CDKL2: variants seen among roughly 807,000 people sequenced by gnomAD.
CDKL2 encodes cyclin-dependent kinase-like 2.
CDKL2 carries 64 observed loss-of-function variants against 63.9 expected under a neutral mutation model. The ratio of observed to expected loss-of-function variants is 1.00; its 90% CI spans 0.82 to 1.23. The LOEUF is 1.23. Among genes scored for constraint, CDKL2 ranks in the 50% most tolerant of loss-of-function variants. CDKL2 has a pLI of 0.00. For synonymous variants in CDKL2, 211 were observed against 229.2 expected (o/e 0.92, Z 0.72); for missense variants, 656 against 668.0 (o/e 0.98, Z 0.20).
rs1729841968 is a variant in CDKL2 at position 75,614,454 on chromosome 4, T to C, written c.169-5A>G. 1 of 1,534,620 alleles carries C rather than the reference T, an allele frequency of 6.5e-7. No individual in the cohort carries two copies. The highest frequency in any genetic ancestry group is 2.1e-5 in the Admixed American group (1 of 48,014). ...CAAGTTTTCATGCCTAAGTTGCTGTTATTAAAAAATGCAAAATAGCTGTTA... is the reference window on the plus strand; with the variant it reads ...CAAGTTTTCATGCCTAAGTTGCTGTCATTAAAAAATGCAAAATAGCTGTTA... On this transcript the variant is annotated splice_polypyrimidine_tract_variant and splice_region_variant and intron_variant, in intron 2 of 13. Transcript: ENST00000307465.
Position 75,616,546 on chromosome 4 carries a change from C to T in CDKL2, c.169-2097G>A, listed in dbSNP as rs28482826. Among the ~76,000 whole-genome samples the T allele has an allele frequency of 6.3e-3, 960 of 151,346 alleles. 11 individuals carry two copies. Among genetic ancestry groups the T allele is most frequent in the African/African-American group, 0.022 (907 of 41,270 alleles). ...CAGGCGTGGTGGCATGCCTGGCCACCACCATGAAGTAATGAAGTAATATCA... is the reference window on the plus strand; with the variant it reads ...CAGGCGTGGTGGCATGCCTGGCCACTACCATGAAGTAATGAAGTAATATCA... On this transcript the variant is annotated intron_variant, in intron 2 of 13. Transcript: ENST00000307465.
chr4:75,614,422 G>A lies in CDKL2; in HGVS notation c.196C>T (p.Leu66Phe), dbSNP rs748664134. 32 of 1,561,496 alleles carry A rather than the reference G, an allele frequency of 2.0e-5. No homozygotes were observed. In the East Asian group the frequency reaches 7.0e-4, roughly 34 times the overall value. ...KQLRHENLVN[L>F]LEVCKKKKRW... ...TTTTTTTTCTTACACACTTCCAAGA[G>A]ATTCACCAAGTTTTCATGCCTAAGT... is the stretch of plus-strand genomic sequence containing the variant. Residue 66 changes from leucine to phenylalanine, a missense_variant, in exon 3 of 14, where the codon CTC becomes TTC. By Grantham distance (22) the Leu-to-Phe change is conservative. Coordinates refer to ENST00000307465, the MANE Select transcript of CDKL2 (RefSeq NM_001330724.2).
chr4:75,627,849 G>T (rs1730505242), intron 1 of CDKL2, among the ~76,000 whole-genome samples: 4 of 149,312 alleles, frequency 2.7e-5, no homozygotes, highest in Admixed American at 2.7e-4. Context: ...AGTAGCTAGG[G>T]TTACAGGCAC....
chr4:75,582,554 A>C (rs974553106), intron 12 of CDKL2, among the ~76,000 whole-genome samples: 11 of 152,128 alleles, frequency 7.2e-5, no homozygotes, highest in African/African-American at 2.4e-4. Flanking sequence ...AAAATACTAA[A>C]TGGTCTACCA....
intron 2 of CDKL2, among the ~76,000 whole-genome samples, chr4:75,617,874 G>A (rs1056759482): frequency 9.9e-5 from 15 of 152,122 alleles, no homozygotes; most frequent in Middle Eastern, 3.4e-3. Flanking sequence ...ATGCCAAGGC[G>A]GACGGATCAC....
chr4:75,605,434 G>A, intron 5 of CDKL2, 88 bp downstream of exon 5: 1 of 743,774 alleles, frequency 1.3e-6, no homozygotes, highest in Admixed American at 2.5e-5. Flanking sequence ...AATCTTTAAT[G>A]CAACAGCTTA....
In CDKL2 at chr4:75,587,063, GACA is replaced by G. The variant is rs66826322; in HGVS notation, c.1647+4753_1647+4755del. Among the ~76,000 whole-genome samples the G allele has an allele frequency of 8.8e-3, 1,346 of 152,280 alleles. 20 individuals are homozygous for G. The highest frequency in any genetic ancestry group is 0.031 in the African/African-American group (1,292 of 41,540). On this transcript the variant is annotated intron_variant, in intron 12 of 13. Transcript: ENST00000307465. ...TTTTGTTGAAAAACACAACAAAATT[GACA>G]AACTCCTAACTATACTGATCAAGAA...
intron 2 of CDKL2, 93 bp downstream of exon 2, chr4:75,625,728 A>T (rs1420217894): frequency 2.9e-5 from 25 of 850,208 alleles, no homozygotes; most frequent in Non-Finnish European, 4.2e-5. Context: ...CACCAGATAA[A>T]TGAATTTGCA....
rs1277771743 is a variant in CDKL2, at chr4:75,596,314, G to C, written c.1349C>G (p.Ser450Cys). 1.2e-6 allele frequency: 2 copies of C among 1,610,912 alleles called. No individual in the cohort carries two copies. The highest frequency in any genetic ancestry group is 1.3e-5 in the African/African-American group (1 of 74,932). ...YRVDEKTKKCSIPFVKPNRHS... is the reference protein window; with the variant it reads ...YRVDEKTKKCCIPFVKPNRHS... The stretch of plus-strand genomic sequence containing the variant: ...TCTGTTCGGTTTAACAAATGGAATA[G>C]AACACTTCTTAGTTTTCTCATCCAC... Residue 450 changes from serine to cysteine, a missense_variant, in exon 10 of 14, where the codon TCT (serine) becomes TGT (cysteine). Transcript: ENST00000307465.
chr4:75,626,450 AG>A (rs1449517549), intron 1 of CDKL2, among the ~76,000 whole-genome samples: 2 of 152,022 alleles, frequency 1.3e-5, no homozygotes, highest in Admixed American at 1.3e-4. Flanking sequence ...GCGGATCACA[AG>A]GTCGGGAGAT....
chr4:75,592,046 A>G, intron 11 of CDKL2, 100 bp downstream of exon 11: 5 of 1,302,994 alleles, frequency 3.8e-6, no homozygotes, highest in East Asian at 2.5e-5. Flanking sequence ...ACATACTTAA[A>G]TATGTAAAGT....
chr4:75,629,711 G>A (rs1386954704), intron 1 of CDKL2, among the ~76,000 whole-genome samples: 2 of 152,044 alleles, frequency 1.3e-5, no homozygotes, highest in African/African-American at 2.4e-5. Context: ...AGGCCGAGGC[G>A]GGCGGATCAC....
In CDKL2 at chr4:75,608,996, GAAA is replaced by G. The variant is rs5859470; in HGVS notation, c.364-1638_364-1636del. ...GCAACAGAGCGAGACTCCATCTCAA[GAAA>G]AAAAAAAAAAAAGAAAAGAAAGAAA... On this transcript the variant is annotated intron_variant, in intron 3 of 13. Coordinates refer to ENST00000307465, the MANE Select transcript of CDKL2 (RefSeq NM_001330724.2). 1.4e-3 allele frequency among the ~76,000 whole-genome samples: 173 copies of G among 120,856 alleles called. 1 individual carries two copies. The highest frequency in any genetic ancestry group is 5.9e-3 in the African/African-American group (164 of 27,776). 79.3% of individuals were successfully genotyped at this position (120,856 alleles called of 152,430 possible). A position where few individuals can be genotyped will look rare whatever the true frequency, so the allele number is the denominator to read the frequency against.
intron 3 of CDKL2, among the ~76,000 whole-genome samples, chr4:75,611,005 A>G (rs76851256): frequency 0.15 from 22,506 of 152,168 alleles, 1,789 homozygotes; most frequent in South Asian, 0.35. Context: ...GCACTATTCT[A>G]AATGTTTTTC....
At chr4:75,596,042 AAGG>A (rs1447736611) in intron 10 of CDKL2, 12 of 342,332 alleles carry the variant, frequency 3.5e-5, no homozygotes, top group Non-Finnish European at 4.6e-5. Flanking sequence ...GAAAGGAAGG[AAGG>A]AGTTTTTAGA....
At chr4:75,607,034 C>A in intron 4 of CDKL2, 149 bp downstream of exon 4, 1 of 576,010 alleles carries the variant, frequency 1.7e-6, no homozygotes, top group East Asian at 2.7e-5. Context: ...GGGGAAGCAC[C>A]AAAAATGATT....
Position 75,605,529 on chromosome 4 carries a change from C to T in CDKL2, c.648G>A (p.Met216Ile), listed in dbSNP as rs867409949. Residue 216 changes from methionine (M) to isoleucine (I), a missense_variant, in exon 5 of 14, where the codon ATG becomes ATA. Physicochemically the swap from Met to Ile is conservative, Grantham distance 10. Coordinates refer to ENST00000307465, the MANE Select transcript of CDKL2 (RefSeq NM_001330724.2). ...GCAGATGTGTAACCTTACCTAAACA[C>T]ATCATAATATGATATAGCTGATCAA... ...SDIDQLYHIMMCLGNLIPRHQ... is the reference protein window; with the variant it reads ...SDIDQLYHIMICLGNLIPRHQ... 1.1e-5 allele frequency: 17 copies of T among 1,569,338 alleles called. No homozygotes were observed. Among genetic ancestry groups the T allele is most frequent in the Non-Finnish European group, 1.5e-5 (17 of 1,139,816 alleles).
rs139436975 is a variant in CDKL2 at position 75,597,115 on chromosome 4, C to G, written c.1142G>C (p.Ser381Thr). ...RASNASCLHD[S>T]RTSHNKIVPS... is the part of the protein sequence containing the mutation. Reference sequence around the variant, plus strand: ...CACTATTTTGTTGTGGCTTGTCCTACTGTCATGGAGACAGCTGGCATTTGA... The same window carrying G: ...CACTATTTTGTTGTGGCTTGTCCTAGTGTCATGGAGACAGCTGGCATTTGA... Residue 381 changes from serine to threonine, a missense_variant, in exon 9 of 14, where the codon AGT (serine) becomes ACT (threonine). Transcript: ENST00000307465. The G allele has an allele frequency of 4.6e-5, 75 of 1,614,154 alleles. No homozygotes were observed. The African/African-American group carries it at 9.2e-4, about 20-fold the overall frequency.
At chr4:75,602,987 CTTTTTTT>C (rs1165939407) in intron 6 of CDKL2, among the ~76,000 whole-genome samples, 3 of 87,474 alleles carry the variant, frequency 3.4e-5, no homozygotes, top group Middle Eastern at 7.8e-3. Context: ...TAAATGGTTT[CTTTTTTT>C]TTTTTTTTTT....
Sources: allele counts gnomAD v4.1 joint callset (sites outside exome capture counted in the v4.1 genomes callset), GRCh38; gene constraint gnomAD v4.1.1; transcripts MANE v1.5; gene names NCBI Gene and HGNC (gene_info 2026-07-23, HGNC 2026-07-21).